SPATA32: variants seen among roughly 807,000 people sequenced by gnomAD.
SPATA32 encodes spermatogenesis associated 32, also known as spermatogenesis-associated protein 32.
A neutral mutation model predicts 35.4 loss-of-function variants in SPATA32; 28 were observed. The observed-to-expected ratio is 0.79, with a 90% CI of 0.59 to 1.09. The LOEUF is 1.09. Ranked by LOEUF, SPATA32 falls within the 50% of genes least tolerant of loss-of-function variation. The pLI, the probability that SPATA32 is intolerant of heterozygous loss-of-function variation, is 0.00. For missense variants in SPATA32, 409 were observed against 475.9 expected (o/e 0.86, Z 1.31); for synonymous variants, 168 against 196.3 (o/e 0.86, Z 1.20).
In SPATA32 at chr17:45,255,476, T is replaced by C; in HGVS notation, c.706A>G (p.Ile236Val). 2 of 1,614,042 alleles carry C rather than the reference T, an allele frequency of 1.2e-6. No individual in the cohort carries two copies. The highest frequency in any genetic ancestry group is 2.2e-5 in the East Asian group (1 of 44,872). The change falls in exon 4 of 5, where the codon ATT (isoleucine) becomes GTT (valine). Residue 236 changes from isoleucine (I) to valine (V), a missense_variant. Coordinates refer to ENST00000331780, the MANE Select transcript of SPATA32 (RefSeq NM_152343.3). The surrounding 1 kb of genome is among the most constrained non-coding windows in gnomAD (Gnocchi z 5.4). ...AAGGTGATTAGCTCTGTCAGGTCAA[T>C]GGGTGGCGGGAGATCTGAGGACAGG... ...PLLSSDLPPP[I>V]DLTELITFAS...
chr17:45,260,023 G>A (rs914127891), intron 1 of SPATA32: 6 of 151,260 alleles, frequency 4.0e-5, no homozygotes, highest in Admixed American at 6.6e-5. Flanking sequence ...GGATGGCTTC[G>A]GCCCGGGAGG....
chr17:45,254,916 C>T (rs775321037), intron 4 of SPATA32, 199 bp downstream of exon 4: 31 of 629,118 alleles, frequency 4.9e-5, no homozygotes, highest in Non-Finnish European at 7.4e-5. Context: ...CAGCCCTCGC[C>T]TTGGCTCTGC....
In SPATA32 at chr17:45,255,899, C is replaced by G; in HGVS notation, c.283G>C (p.Glu95Gln). ...AELDTEANSNEESDFEEPMQL... is the reference protein window; with the variant it reads ...AELDTEANSNQESDFEEPMQL... ...ATGGGTTCTTCAAAGTCAGACTCCTCGTTCGAGTTGGCTTCCGTGTCCAGC... is the reference window on the plus strand; with the variant it reads ...ATGGGTTCTTCAAAGTCAGACTCCTGGTTCGAGTTGGCTTCCGTGTCCAGC... Residue 95 changes from glutamate to glutamine, a missense_variant, in exon 4 of 5, where the codon GAG becomes CAG. Physicochemically the swap from Glu to Gln is conservative, Grantham distance 29. Coordinates refer to ENST00000331780, the MANE Select transcript of SPATA32 (RefSeq NM_152343.3). The surrounding 1 kb of genome is among the most constrained non-coding windows in gnomAD (Gnocchi z 5.4). The G allele has an allele frequency of 6.2e-7, 1 of 1,614,122 alleles. No homozygotes were observed. Among genetic ancestry groups the G allele is most frequent in the Non-Finnish European group, 8.5e-7 (1 of 1,180,022 alleles).
chr17:45,255,962 C>T lies in SPATA32; in HGVS notation c.220G>A (p.Glu74Lys). Residue 74 changes from glutamate (E) to lysine (K), a missense_variant, in exon 4 of 5, where the codon GAG becomes AAG. Physicochemically the swap from Glu to Lys is moderately conservative, Grantham distance 56. Coordinates refer to ENST00000331780, the MANE Select transcript of SPATA32 (RefSeq NM_152343.3). This position sits in a 1 kb window ranked among gnomAD's most constrained non-coding sequence, Gnocchi z 5.4. ...LEIGQVPALL[E>K]SELYPALKLE... Reference sequence around the variant, plus strand: ...TTGAGGGCTGGGTATAGCTCTGACTCCAGTAAAGCCGGCACCTGTCCGATC... The same window carrying T: ...TTGAGGGCTGGGTATAGCTCTGACTTCAGTAAAGCCGGCACCTGTCCGATC... The T allele has an allele frequency of 6.2e-7, 1 of 1,614,112 alleles. No homozygotes were observed. The highest frequency in any genetic ancestry group is 8.5e-7 in the Non-Finnish European group (1 of 1,180,026).
Position 45,256,188 on chromosome 17 carries a change from C to A in SPATA32, c.109-115G>T. 1 of 1,343,590 alleles carries A rather than the reference C, an allele frequency of 7.4e-7. No homozygotes were observed. Among genetic ancestry groups the A allele is most frequent in the East Asian group, 2.3e-5 (1 of 42,944 alleles). 83.2% of individuals were successfully genotyped at this position (1,343,590 alleles called of 1,614,324 possible). A position where few individuals can be genotyped will look rare whatever the true frequency, so the allele number is the denominator to read the frequency against. On this transcript the variant is annotated intron_variant, in intron 3 of 4. Transcript: ENST00000331780. This position sits in a 1 kb window ranked among gnomAD's most constrained non-coding sequence, Gnocchi z 4.7. Reference sequence around the variant, plus strand: ...TGCCCTGGGTCCTGCTGTCTTCCCCCCGCCCCCTAACCCCATGCCTGCCTC... The same window carrying A: ...TGCCCTGGGTCCTGCTGTCTTCCCCACGCCCCCTAACCCCATGCCTGCCTC...
chr17:45,255,046 C>T lies in SPATA32; in HGVS notation c.1067+69G>A. 3 of 1,466,388 alleles carry T rather than the reference C, an allele frequency of 2.0e-6. No individual in the cohort carries two copies. The highest frequency in any genetic ancestry group is 2.8e-6 in the Non-Finnish European group (3 of 1,060,202). 90.8% of individuals were successfully genotyped at this position (1,466,388 alleles called of 1,614,324 possible). A position where few individuals can be genotyped will look rare whatever the true frequency, so the allele number is the denominator to read the frequency against. On this transcript the variant is annotated intron_variant, in intron 4 of 4. Coordinates refer to ENST00000331780, the MANE Select transcript of SPATA32 (RefSeq NM_152343.3). This position sits in a 1 kb window ranked among gnomAD's most constrained non-coding sequence, Gnocchi z 5.4. The stretch of plus-strand genomic sequence containing the variant: ...TCCACTGTTCCCCACCCCTACCCAG[C>T]TGTGTGAGGACCCCTGCCACGTTCT...
At chr17:45,260,951 A>G (rs1215799266) in intron 1 of SPATA32, 1 of 152,190 alleles carries the variant, frequency 6.6e-6, no homozygotes, top group Admixed American at 6.5e-5. Flanking sequence ...GCTATTTCTT[A>G]TACCTGGAAA....
Position 45,255,781 on chromosome 17 carries a change from C to T in SPATA32, c.401G>A (p.Arg134Gln), listed in dbSNP as rs764033939. 58 of 1,613,872 alleles carry T rather than the reference C, an allele frequency of 3.6e-5. No homozygotes were observed. The African/African-American group carries it at 3.6e-4, about 10-fold the overall frequency. Residue 134 changes from arginine (R) to glutamine (Q), a missense_variant, in exon 4 of 5, where the codon CGG becomes CAG. Arg to Gln is a conservative substitution (Grantham distance 43). Transcript: ENST00000331780. This position sits in a 1 kb window ranked among gnomAD's most constrained non-coding sequence, Gnocchi z 5.4. The part of the protein sequence containing the change: ...FRPWSLNSNC[R>Q]SFTEENHVSA... ...CACGTGGTTCTCCTCCGTGAAACTC[C>T]GGCAGTTTGAATTCAGACTCCACGG... is the stretch of plus-strand genomic sequence containing the variant.
At chr17:45,261,880 G>T in intron 1 of SPATA32, 124 bp downstream of exon 1, 1 of 1,120,408 alleles carries the variant, frequency 8.9e-7, no homozygotes, top group South Asian at 4.2e-5. Flanking sequence ...GGTGCCGGGG[G>T]TTTGGGAGCA....
rs1351530066 is a variant in SPATA32 at position 45,262,085 on chromosome 17, C to T, written c.-69G>A. ...ATGCTGCCTCTCCGCCTCCAGTGTG[C>T]TCTTTGGCTGAGGGACTGGTGGGCG... On this transcript the variant is annotated 5_prime_UTR_variant, in exon 1 of 5. Transcript: ENST00000331780. 7.6e-7 allele frequency: 1 copy of T among 1,308,832 alleles called. No homozygotes were observed. The highest frequency in any genetic ancestry group is 3.2e-5 in the South Asian group (1 of 31,268). The allele number at this position is 1,308,832 out of a possible 1,614,324, so 81.1% of individuals were successfully genotyped here.
At position 45,255,608 on chromosome 17, in the gene SPATA32, G is replaced by A. The variant is rs762566467; in HGVS notation, c.574C>T (p.Leu192Phe). The A allele has an allele frequency of 8.1e-6, 13 of 1,614,006 alleles. No homozygotes were observed. In the South Asian group the frequency reaches 1.2e-4, roughly 15 times the overall value. The part of the protein sequence containing the change: ...GSAGQPIRSP[L>F]REAIPTNALC... ...GCGTTGGTGGGGATGGCCTCCCGGA[G>A]CGGGGATCTGATGGGCTGGCCTGCG... The change falls in exon 4 of 5, where the codon CTC becomes TTC. Residue 192 changes from leucine (L) to phenylalanine (F), a missense_variant. Coordinates refer to ENST00000331780, the MANE Select transcript of SPATA32 (RefSeq NM_152343.3). The surrounding 1 kb of genome is among the most constrained non-coding windows in gnomAD (Gnocchi z 5.4).
Position 45,262,062 on chromosome 17 carries a change from G to A in SPATA32, c.-46C>T, listed in dbSNP as rs769406213. On this transcript the variant is annotated 5_prime_UTR_variant, in exon 1 of 5. Transcript: ENST00000331780. ...GGAGGCGGGGAGCGGGCTGGTGGAT[G>A]CTGCCTCTCCGCCTCCAGTGTGCTC... is the stretch of plus-strand genomic sequence containing the variant. The A allele has an allele frequency of 1.8e-5, 24 of 1,310,400 alleles. No individual in the cohort carries two copies. Among genetic ancestry groups the A allele is most frequent in the Non-Finnish European group, 2.4e-5 (24 of 1,021,090 alleles). The allele number at this position is 1,310,400 out of a possible 1,614,324, so 81.2% of individuals were successfully genotyped here. A position where few individuals can be genotyped will look rare whatever the true frequency, so the allele number is the denominator to read the frequency against.
intron 1 of SPATA32, among the ~76,000 whole-genome samples, chr17:45,258,113 A>C (rs185689914): frequency 4.4e-4 from 67 of 152,246 alleles, no homozygotes; most frequent in Non-Finnish European, 7.6e-4. Flanking sequence ...GCTGGGAAGA[A>C]TCGCTCCCAG....
chr17:45,261,570 A>G (rs2044008858), intron 1 of SPATA32, among the ~76,000 whole-genome samples: 3 of 152,310 alleles, frequency 2.0e-5, no homozygotes, highest in South Asian at 2.1e-4. Context: ...CGCTCCGTAA[A>G]AATGTGCTGA....
intron 1 of SPATA32, chr17:45,260,936 C>A (rs2143737666): frequency 6.6e-6 from 1 of 152,356 alleles, no homozygotes; most frequent in East Asian, 1.9e-4. Flanking sequence ...AGTGCCTTTG[C>A]AAATGCTATT....
intron 1 of SPATA32, among the ~76,000 whole-genome samples, chr17:45,258,616 T>C (rs979540683): frequency 2.6e-5 from 4 of 152,202 alleles, no homozygotes; most frequent in South Asian, 4.1e-4. Context: ...TCAAGTGATA[T>C]TCTGCAGTAT....
chr17:45,261,733 T>C (rs1348412431), intron 1 of SPATA32: 2 of 382,436 alleles, frequency 5.2e-6, no homozygotes, highest in East Asian at 7.5e-5. Context: ...CAAGAACCAC[T>C]GACTCTGCAG....
intron 1 of SPATA32, among the ~76,000 whole-genome samples, chr17:45,261,436 C>A (rs559436005): frequency 6.6e-6 from 1 of 152,248 alleles, no homozygotes; most frequent in South Asian, 2.1e-4. Flanking sequence ...GAGAGAGGAT[C>A]CCCAAAAGAA....
rs1567980389 is a variant in SPATA32 at position 45,255,771 on chromosome 17, CG to C, written c.410del (p.Thr137ArgfsTer102). On this transcript the variant is annotated frameshift_variant, in exon 4 of 5. Coordinates refer to ENST00000331780, the MANE Select transcript of SPATA32 (RefSeq NM_152343.3). LOFTEE classifies it high-confidence loss of function. The surrounding 1 kb of genome is among the most constrained non-coding windows in gnomAD (Gnocchi z 5.4). The stretch of plus-strand genomic sequence containing the variant: ...GGCAGGCAGACACGTGGTTCTCCTC[CG>C]TGAAACTCCGGCAGTTTGAATTCAG... ...WSLNSNCRSF[T>X]EENHVSACHH... 6.2e-6 allele frequency: 10 copies of C among 1,613,912 alleles called. No homozygotes were observed. Among genetic ancestry groups the C allele is most frequent in the Non-Finnish European group, 4.2e-6 (5 of 1,179,940 alleles).
Sources: allele counts gnomAD v4.1 joint callset (sites outside exome capture counted in the v4.1 genomes callset), GRCh38; gene constraint gnomAD v4.1.1; non-coding constraint Gnocchi (gnomAD v3.1); transcripts MANE v1.5; gene names NCBI Gene and HGNC (gene_info 2026-07-23, HGNC 2026-07-21).